Variants in PIEZO1 observed in about 807,000 individuals in gnomAD.
PIEZO1 encodes the protein piezo type mechanosensitive ion channel component 1 (Er blood group).
In PIEZO1, 296 loss-of-function variants were observed where a neutral mutation model predicts 297.2. The observed-to-expected ratio is 1.00, with a 90% CI of 0.91 to 1.10. The LOEUF is 1.10. PIEZO1 is among the 50% of genes least tolerant of loss of function. PIEZO1 has a pLI of 0.00. For synonymous variants in PIEZO1, 2,427 were observed against 1,507.5 expected (o/e 1.61, Z -14.13); for missense variants, 5,018 against 3,455.5 (o/e 1.45, Z -11.34).
chr16:88,761,603 C>G (rs1028730551), intron 1 of PIEZO1, among the ~76,000 whole-genome samples: 1 of 152,212 alleles, frequency 6.6e-6, no homozygotes, highest in African/African-American at 2.4e-5. Flanking sequence ...TCCCCATCTT[C>G]ATGGTACTTG....
intron 1 of PIEZO1, among the ~76,000 whole-genome samples, chr16:88,782,040 C>T (rs1026757225): frequency 6.6e-6 from 1 of 152,268 alleles, no homozygotes; most frequent in African/African-American, 2.4e-5. Flanking sequence ...CTTTCCGCAG[C>T]CCTGTCTAGA....
In PIEZO1 at chr16:88,726,465, A is replaced by C. The variant is rs1386166479; in HGVS notation, c.3797-10T>G. On this transcript the variant is annotated splice_polypyrimidine_tract_variant and intron_variant, in intron 26 of 50. Transcript: ENST00000301015. ...TCCATCATCTCCTTGGCTGCAAGGC[A>C]GGCACCGGCAAGGGTCAGGCCCAGG... 12 of 1,549,092 alleles carry C rather than the reference A, an allele frequency of 7.7e-6. No individual in the cohort carries two copies. The highest frequency in any genetic ancestry group is 1.0e-5 in the Non-Finnish European group (12 of 1,145,946).
intron 1 of PIEZO1, among the ~76,000 whole-genome samples, chr16:88,761,087 G>C (rs1308048977): frequency 1.3e-5 from 2 of 152,230 alleles, no homozygotes; most frequent in African/African-American, 4.8e-5. Flanking sequence ...GGCAGGGTGG[G>C]GGTCCGTCTG....
At chr16:88,746,627 C>T (rs1433972641) in intron 2 of PIEZO1, among the ~76,000 whole-genome samples, 1 of 152,192 alleles carries the variant, frequency 6.6e-6, no homozygotes, top group African/African-American at 2.4e-5. Context: ...CCCGGGCACT[C>T]GGCTCGGGCA....
intron 1 of PIEZO1, among the ~76,000 whole-genome samples, chr16:88,759,903 C>G (rs1047396753): frequency 2.0e-5 from 3 of 152,178 alleles, no homozygotes; most frequent in Admixed American, 2.0e-4. Context: ...GGGAGGGGAC[C>G]TGGGGGGCTC....
chr16:88,765,714 G>A (rs185164547), intron 1 of PIEZO1, among the ~76,000 whole-genome samples: 20 of 140,474 alleles, frequency 1.4e-4, no homozygotes, highest in Admixed American at 5.2e-4. Context: ...TCTGTCGCCC[G>A]CCCAGGCTGG....
chr16:88,785,160 C>G lies in PIEZO1; in HGVS notation c.-196G>C. 3.4e-6 allele frequency: 1 copy of G among 294,766 alleles called. No homozygotes were observed. Among genetic ancestry groups the G allele is most frequent in the South Asian group, 1.6e-4 (1 of 6,342 alleles). The allele number at this position is 294,766 out of a possible 1,614,324, so 18.3% of individuals were successfully genotyped here. Reference sequence around the variant, plus strand: ...CGCGCTCGCTCAGGCGACCGCCCTGCCCCTCGGCGGAGCGCAGCGCTCGGC... The same window carrying G: ...CGCGCTCGCTCAGGCGACCGCCCTGGCCCTCGGCGGAGCGCAGCGCTCGGC... On this transcript the variant is annotated 5_prime_UTR_variant, in exon 1 of 51. Coordinates refer to ENST00000301015, the MANE Select transcript of PIEZO1 (RefSeq NM_001142864.4).
At chr16:88,754,826 C>T (rs1011838223) in intron 1 of PIEZO1, among the ~76,000 whole-genome samples, 1 of 152,214 alleles carries the variant, frequency 6.6e-6, no homozygotes, top group African/African-American at 2.4e-5. Context: ...GTGGGTGACC[C>T]GGGACCCACA....
chr16:88,737,410 C>G, intron 10 of PIEZO1, 149 bp downstream of exon 10: 1 of 599,464 alleles, frequency 1.7e-6, no homozygotes, highest in Non-Finnish European at 2.9e-6. Flanking sequence ...GTCACTGACA[C>G]CGACCCGTGG....
chr16:88,732,053 T>C (rs1268471537), intron 21 of PIEZO1, 143 bp from the exon 22 acceptor site: 4 of 205,210 alleles, frequency 1.9e-5, no homozygotes, highest in South Asian at 1.0e-4. Flanking sequence ...AGCGGCGCTG[T>C]CAAGAGGGCA....
rs544089461 is a variant in PIEZO1 at position 88,734,057 on chromosome 16, G to A, written c.2181-3C>T. 2.0e-5 allele frequency: 30 copies of A among 1,504,516 alleles called. No homozygotes were observed. The African/African-American group carries it at 2.1e-4, about 10-fold the overall frequency. The allele number at this position is 1,504,516 out of a possible 1,614,324, so 93.2% of individuals were successfully genotyped here. On this transcript the variant is annotated splice_polypyrimidine_tract_variant and splice_region_variant and intron_variant, in intron 16 of 50. Coordinates refer to ENST00000301015, the MANE Select transcript of PIEZO1 (RefSeq NM_001142864.4). ...GGGTCCCACTCACTGCATCCTGCCT[G>A]GGAGAGGGTCCGAAAATGTCATCTC...
intron 12 of PIEZO1, among the ~76,000 whole-genome samples, chr16:88,735,736 C>G (rs1905165954): frequency 6.6e-6 from 1 of 152,268 alleles, no homozygotes; most frequent in Non-Finnish European, 1.5e-5. Context: ...AACACATGGC[C>G]TGCACAGCTT....
rs1905136250 is a variant in PIEZO1, at chr16:88,735,302, G to A, written c.1558-56C>T. 3 of 1,274,886 alleles carry A rather than the reference G, an allele frequency of 2.4e-6. No homozygotes were observed. The East Asian group carries it at 7.6e-5, about 32-fold the overall frequency. The allele number at this position is 1,274,886 out of a possible 1,614,324, so 79.0% of individuals were successfully genotyped here. Reference sequence around the variant, plus strand: ...CGGGGGGCCCAGCACCCCTCCCACAGCCGGGGGACCCAGCACCCTCCTATA... The same window carrying A: ...CGGGGGGCCCAGCACCCCTCCCACAACCGGGGGACCCAGCACCCTCCTATA... On this transcript the variant is annotated intron_variant, in intron 12 of 50. Coordinates refer to ENST00000301015, the MANE Select transcript of PIEZO1 (RefSeq NM_001142864.4).
intron 27 of PIEZO1, 166 bp downstream of exon 27, chr16:88,726,118 G>T: frequency 1.6e-6 from 1 of 620,126 alleles, no homozygotes; most frequent in Non-Finnish European, 2.8e-6. Flanking sequence ...GTGTGATGGT[G>T]CCGGGGATCT....
Position 88,732,572 on chromosome 16 carries a change from C to CACCA in PIEZO1, c.2790+34_2790+35insTGGT, listed in dbSNP as rs1904933859. 4 of 1,543,130 alleles carry CACCA rather than the reference C, an allele frequency of 2.6e-6. No homozygotes were observed. The South Asian group carries it at 4.8e-5, about 18-fold the overall frequency. On this transcript the variant is annotated intron_variant, in intron 20 of 50. Coordinates refer to ENST00000301015, the MANE Select transcript of PIEZO1 (RefSeq NM_001142864.4). The stretch of plus-strand genomic sequence containing the variant: ...AAGGGTCAGGGGGCAGCCGGGTACT[C>CACCA]GCCCGCCCAGCCGCCCACCAGCCCT...
At chr16:88,775,770 G>A (rs1159179052) in intron 1 of PIEZO1, among the ~76,000 whole-genome samples, 1 of 151,952 alleles carries the variant, frequency 6.6e-6, no homozygotes, top group East Asian at 1.9e-4. Context: ...ATGGCGAAGG[G>A]CAGGACAGGA....
At chr16:88,769,252 A>G (rs1907313250) in intron 1 of PIEZO1, among the ~76,000 whole-genome samples, 1 of 152,154 alleles carries the variant, frequency 6.6e-6, no homozygotes. Context: ...GGGTCTCACT[A>G]TGTTACCCAG....
At position 88,734,786 on chromosome 16, in the gene PIEZO1, G is replaced by A; in HGVS notation, c.1861C>T (p.Leu621=). The change falls in exon 15 of 51, where the codon CTG becomes TTG. Residue 621 remains leucine (L), a synonymous_variant. Transcript: ENST00000301015. ...AAGGCCTTGAGCAGCTTCCGCCACA[G>A]GCTGTAGTAGACCTGCCGGGTGAGG... The part of the protein sequence containing the change: ...CLTLFQVYYS[L]WRKLLKAFWW... 1 of 1,550,348 alleles carries A rather than the reference G, an allele frequency of 6.5e-7. No individual in the cohort carries two copies. The highest frequency in any genetic ancestry group is 8.7e-7 in the Non-Finnish European group (1 of 1,146,940).
At chr16:88,759,313 A>C (rs142716289) in intron 1 of PIEZO1, among the ~76,000 whole-genome samples, 344 of 152,344 alleles carry the variant, frequency 2.3e-3, no homozygotes, top group Non-Finnish European at 3.9e-3. Context: ...CCAGCTGAGC[A>C]TGGGAAGCTC....
Sources: allele counts gnomAD v4.1 joint callset (sites outside exome capture counted in the v4.1 genomes callset), GRCh38; gene constraint gnomAD v4.1.1; transcripts MANE v1.5; gene names NCBI Gene and HGNC (gene_info 2026-07-23, HGNC 2026-07-21).